PRPSAP2: variants seen among roughly 807,000 people sequenced by gnomAD.
The protein encoded by PRPSAP2 is phosphoribosyl pyrophosphate synthetase associated protein 2, also known as phosphoribosyl pyrophosphate synthase-associated protein 2.
In PRPSAP2, 24 loss-of-function variants were observed where a neutral mutation model predicts 40.6. The ratio of observed to expected loss-of-function variants is 0.59; its 90% CI spans 0.43 to 0.83. The LOEUF is 0.83. Among genes scored for constraint, PRPSAP2 ranks in the 40% least tolerant of loss-of-function variants. The pLI is 0.00. For missense variants in PRPSAP2, 292 were observed against 465.6 expected (o/e 0.63, Z 3.43); for synonymous variants, 149 against 164.7 (o/e 0.90, Z 0.73).
chr17:18,860,760 G>A (rs1336802356), intron 1 of PRPSAP2: 1 of 152,208 alleles, frequency 6.6e-6, no homozygotes, highest in African/African-American at 2.4e-5. Context: ...CATCTGAAAT[G>A]TGGGTGAGTG....
intron 9 of PRPSAP2, among the ~76,000 whole-genome samples, chr17:18,912,759 G>A (rs1166674509): frequency 1.3e-5 from 2 of 152,214 alleles, no homozygotes; most frequent in African/African-American, 2.4e-5. Flanking sequence ...GTGAGGCCCA[G>A]TGTGGTGGTT....
chr17:18,882,555 T>A lies in PRPSAP2; in HGVS notation c.413-13T>A. On this transcript the variant is annotated splice_polypyrimidine_tract_variant and intron_variant, in intron 6 of 11. Transcript: ENST00000268835. Reference sequence around the variant, plus strand: ...AAAACTATTTATTGCTTGTGTCTGCTTTATTTTCAAAGGTCTAACTCATCT... The same window carrying A: ...AAAACTATTTATTGCTTGTGTCTGCATTATTTTCAAAGGTCTAACTCATCT... The A allele has an allele frequency of 6.8e-7, 1 of 1,472,144 alleles. No homozygotes were observed. The highest frequency in any genetic ancestry group is 1.2e-5 in the South Asian group (1 of 83,708). The allele number at this position is 1,472,144 out of a possible 1,614,324, so 91.2% of individuals were successfully genotyped here.
At chr17:18,864,366 T>C (rs1205456560) in intron 1 of PRPSAP2, among the ~76,000 whole-genome samples, 1 of 151,946 alleles carries the variant, frequency 6.6e-6, no homozygotes, top group Non-Finnish European at 1.5e-5. Flanking sequence ...CAATCTTGGC[T>C]CACTGCAACC....
chr17:18,862,170 G>C (rs2037073058), intron 1 of PRPSAP2, among the ~76,000 whole-genome samples: 2 of 152,284 alleles, frequency 1.3e-5, no homozygotes, highest in South Asian at 2.1e-4. Context: ...TTATAGGCAT[G>C]AGCCACGGCG....
intron 8 of PRPSAP2, among the ~76,000 whole-genome samples, chr17:18,895,700 A>C (rs181740504): frequency 1.3e-3 from 196 of 152,084 alleles, no homozygotes; most frequent in Middle Eastern, 3.4e-3. Context: ...ATCTCAGCTC[A>C]CTGTGACCTC....
chr17:18,859,046 G>A (rs987997843), intron 1 of PRPSAP2, among the ~76,000 whole-genome samples: 1 of 151,962 alleles, frequency 6.6e-6, no homozygotes, highest in Non-Finnish European at 1.5e-5. Flanking sequence ...CTTTTGCGTC[G>A]TGTTGAATAT....
chr17:18,872,050 C>T (rs112501378), intron 4 of PRPSAP2, among the ~76,000 whole-genome samples: 10,994 of 152,074 alleles, frequency 0.072, 436 homozygotes, highest in Admixed American at 0.098. Flanking sequence ...GCAGGCAGAT[C>T]GCGAGGTCAG....
chr17:18,897,699 G>C (rs1272574829), intron 8 of PRPSAP2, among the ~76,000 whole-genome samples: 1 of 152,122 alleles, frequency 6.6e-6, no homozygotes, highest in Non-Finnish European at 1.5e-5. Context: ...CTGACCTCAG[G>C]TAATCTGCCT....
rs2037975216 is a variant in PRPSAP2 at position 18,872,630 on chromosome 17, A to C, written c.220A>C (p.Ile74Leu). Reference sequence around the variant, plus strand: ...GTCTGTGAGGGGAAAAGATGTTTTCATCATCCAAACTGTTTCGAAGTGAGT... The same window carrying C: ...GTCTGTGAGGGGAAAAGATGTTTTCCTCATCCAAACTGTTTCGAAGTGAGT... The part of the protein sequence containing the change: ...QESVRGKDVF[I>L]IQTVSKDVNT... The change falls in exon 5 of 12, where the codon ATC becomes CTC. Residue 74 changes from isoleucine (I) to leucine (L), a missense_variant. Transcript: ENST00000268835. The C allele has an allele frequency of 6.3e-7, 1 of 1,598,494 alleles. No homozygotes were observed.
At chr17:18,875,626 G>T (rs2038235044) in intron 5 of PRPSAP2, among the ~76,000 whole-genome samples, 1 of 151,962 alleles carries the variant, frequency 6.6e-6, no homozygotes, top group African/African-American at 2.4e-5. Context: ...AGCTTTGGGA[G>T]GCCGAGGCGG....
intron 1 of PRPSAP2, among the ~76,000 whole-genome samples, chr17:18,863,573 C>T (rs2037204044): frequency 6.6e-6 from 1 of 151,782 alleles, no homozygotes; most frequent in Non-Finnish European, 1.5e-5. Context: ...CGCTCTGTCG[C>T]CCAGGCTGGA....
At chr17:18,917,584 ATTTTTTTTTTTTTTTTT>A (rs536358118) in intron 9 of PRPSAP2, 3 of 32,344 alleles carry the variant, frequency 9.3e-5, no homozygotes, top group Admixed American at 5.3e-4. Flanking sequence ...TATTATTATT[ATTTTTTTTTTTTTTTTT>A]TTTTTTTTTT....
intron 8 of PRPSAP2, among the ~76,000 whole-genome samples, chr17:18,892,296 T>C (rs1315993572): frequency 6.6e-6 from 1 of 152,162 alleles, no homozygotes; most frequent in East Asian, 1.9e-4. Context: ...AGTCATGGAT[T>C]AGTTTTTGTG....
intron 5 of PRPSAP2, among the ~76,000 whole-genome samples, chr17:18,873,808 CAT>C (rs956563697): frequency 5.9e-5 from 9 of 152,206 alleles, no homozygotes; most frequent in Non-Finnish European, 1.2e-4. Flanking sequence ...TGTTTGGTCA[CAT>C]ATGTTTAAGC....
chr17:18,873,188 G>GCC (rs2038017453), intron 5 of PRPSAP2, among the ~76,000 whole-genome samples: 2 of 119,252 alleles, frequency 1.7e-5, no homozygotes, highest in African/African-American at 6.7e-5. Flanking sequence ...TGGAGTAGAG[G>GCC]CTCTTTTTTT....
chr17:18,863,557 G>A (rs1332490929), intron 1 of PRPSAP2, among the ~76,000 whole-genome samples: 1 of 150,436 alleles, frequency 6.6e-6, no homozygotes, highest in Admixed American at 6.6e-5. Context: ...ATTTGAAACG[G>A]AGTCTCGCTC....
At chr17:18,872,730 G>T in intron 5 of PRPSAP2, 81 bp downstream of exon 5, 1 of 1,160,842 alleles carries the variant, frequency 8.6e-7, no homozygotes, top group Non-Finnish European at 1.3e-6. Context: ...GGCTAGCCAG[G>T]AAGAGTTATA....
intron 8 of PRPSAP2, among the ~76,000 whole-genome samples, chr17:18,907,252 A>T (rs1357790063): frequency 6.6e-6 from 1 of 152,120 alleles, no homozygotes; most frequent in Non-Finnish European, 1.5e-5. Context: ...AGGAATCAGG[A>T]GTGGCTGTAT....
At chr17:18,874,689 G>C (rs1302022532) in intron 5 of PRPSAP2, among the ~76,000 whole-genome samples, 3 of 152,196 alleles carry the variant, frequency 2.0e-5, no homozygotes, top group African/African-American at 7.2e-5. Context: ...TGGAGGTGGG[G>C]GCACGGAGCG....
Sources: allele counts gnomAD v4.1 joint callset (sites outside exome capture counted in the v4.1 genomes callset), GRCh38; gene constraint gnomAD v4.1.1; transcripts MANE v1.5; gene names NCBI Gene and HGNC (gene_info 2026-07-23, HGNC 2026-07-21).